The following PPFIBP1 variants were observed in gnomAD, a reference collection of about 807,000 sequenced individuals.
PPFIBP1 encodes the protein liprin-beta-1.
Under a neutral mutation model 137.8 loss-of-function variants are expected in PPFIBP1, and 112 were observed. The ratio of observed to expected loss-of-function variants is 0.81; its 90% confidence interval spans 0.70 to 0.95. PPFIBP1 has a LOEUF of 0.95. Ranked by LOEUF, PPFIBP1 falls within the 40% of genes least tolerant of loss-of-function variation. PPFIBP1 has a pLI of 0.00. For missense variants in PPFIBP1, 1,083 were observed against 1,196.6 expected (o/e 0.91, Z 1.40); for synonymous variants, 378 against 417.3 (o/e 0.91, Z 1.15).
rs769043734 is a variant in PPFIBP1 at position 27,633,416 on chromosome 12, A to G, written c.20A>G (p.Asp7Gly). MMSDAS[D>G]MLAAALEQMD... ...AATAAAATGATGAGTGATGCAAGTG[A>G]CATGTTGGCTGCAGCGTTGGAGCAG... Residue 7 changes from aspartate to glycine, a missense_variant, in exon 3 of 30, where the codon GAC becomes GGC. Asp to Gly is a moderately conservative substitution (Grantham distance 94, BLOSUM62 -1). Coordinates refer to ENST00000228425, the MANE Select transcript of PPFIBP1 (RefSeq NM_003622.4). The G allele has an allele frequency of 6.2e-6, 10 of 1,613,546 alleles. No homozygotes were observed. The East Asian group carries it at 2.2e-4, about 36-fold the overall frequency.
At chr12:27,612,438 A>G (rs1475568512) in intron 2 of PPFIBP1, among the ~76,000 whole-genome samples, 1 of 149,506 alleles carries the variant, frequency 6.7e-6, no homozygotes. Context: ...GACTCAAGTG[A>G]TCCTCCAAGT....
chr12:27,606,423 T>A (rs565350478), intron 2 of PPFIBP1, among the ~76,000 whole-genome samples: 11 of 152,370 alleles, frequency 7.2e-5, no homozygotes, highest in African/African-American at 2.4e-4. Context: ...TTTTTAGCTC[T>A]ACGACTGTGT....
At chr12:27,652,074 A>G (rs761989702) in intron 7 of PPFIBP1, among the ~76,000 whole-genome samples, 98 of 152,232 alleles carry the variant, frequency 6.4e-4, no homozygotes, top group Non-Finnish European at 1.0e-3. Flanking sequence ...AATAATTAAA[A>G]TAATCTTCAA....
chr12:27,690,600 A>G (rs113383841), intron 27 of PPFIBP1, among the ~76,000 whole-genome samples: 3 of 152,372 alleles, frequency 2.0e-5, no homozygotes, highest in Admixed American at 6.5e-5. Context: ...ACAACAGAGC[A>G]AGATTCTGCC....
chr12:27,568,511 G>T (rs2049876192), intron 1 of PPFIBP1, among the ~76,000 whole-genome samples: 1 of 152,194 alleles, frequency 6.6e-6, no homozygotes, highest in Non-Finnish European at 1.5e-5. Context: ...AAGGATGAGG[G>T]ATGGAAGTGG....
At chr12:27,580,955 G>C (rs1379137592) in intron 2 of PPFIBP1, among the ~76,000 whole-genome samples, 15 of 151,524 alleles carry the variant, frequency 9.9e-5, no homozygotes, top group Non-Finnish European at 2.2e-4. Flanking sequence ...TTGTTGCCCA[G>C]GCTGGAGTAC....
chr12:27,578,011 G>C (rs1452210943), intron 1 of PPFIBP1, 141 bp from the exon 2 acceptor site: 2 of 152,038 alleles, frequency 1.3e-5, no homozygotes, highest in Non-Finnish European at 2.9e-5. Context: ...ATGGAAGGAA[G>C]TCCTTAACAC....
chr12:27,563,463 A>C lies in PPFIBP1; in HGVS notation c.-123-14689A>C, dbSNP rs1423760974. Among the ~76,000 whole-genome samples the C allele has an allele frequency of 2.2e-3, 257 of 117,024 alleles. 1 individual carries two copies. Among genetic ancestry groups the C allele is most frequent in the African/African-American group, 7.1e-3 (248 of 34,912 alleles). The allele number at this position is 117,024 out of a possible 152,430, so 76.8% of individuals were successfully genotyped here. On this transcript the variant is annotated intron_variant, in intron 1 of 29. Coordinates refer to ENST00000228425, the MANE Select transcript of PPFIBP1 (RefSeq NM_003622.4). Reference sequence around the variant, plus strand: ...CAGAGCGAGACTCCATCTCAAAGAAAAAAAAAAAAAAAAAGCAGACAACTC... The same window carrying C: ...CAGAGCGAGACTCCATCTCAAAGAACAAAAAAAAAAAAAAGCAGACAACTC...
intron 1 of PPFIBP1, among the ~76,000 whole-genome samples, chr12:27,529,829 GT>G (rs1270054552): frequency 2.6e-5 from 4 of 152,248 alleles, no homozygotes; most frequent in Non-Finnish European, 4.4e-5. Context: ...ATTGGGAAGA[GT>G]GTGGACTCTT....
intron 2 of PPFIBP1, among the ~76,000 whole-genome samples, chr12:27,594,480 AT>A (rs1396499216): frequency 1.3e-5 from 2 of 151,962 alleles, no homozygotes; most frequent in East Asian, 3.9e-4. Context: ...GCCCAGCCCC[AT>A]TCCCTTTTCT....
At chr12:27,634,261 C>G (rs536321427) in intron 3 of PPFIBP1, among the ~76,000 whole-genome samples, 1 of 149,594 alleles carries the variant, frequency 6.7e-6, no homozygotes, top group Non-Finnish European at 1.5e-5. Flanking sequence ...CCTTGAAATG[C>G]TGTGCTCAAG....
chr12:27,648,727 G>T (rs1409440037), intron 6 of PPFIBP1, among the ~76,000 whole-genome samples: 1 of 152,206 alleles, frequency 6.6e-6, no homozygotes, highest in East Asian at 1.9e-4. Context: ...AGGTCATTAT[G>T]TGTGAAATAA....
intron 2 of PPFIBP1, among the ~76,000 whole-genome samples, chr12:27,633,001 G>A (rs1453259843): frequency 6.6e-6 from 1 of 152,136 alleles, no homozygotes; most frequent in Non-Finnish European, 1.5e-5. Context: ...ATTGGGTGGG[G>A]CTGGTAAAGG....
In PPFIBP1 at chr12:27,672,429, A is replaced by T; in HGVS notation, c.1265A>T (p.Asp422Val). The part of the protein sequence containing the change: ...PKPETSFEEN[D>V]GNIILGATVD... ...ACCTTTTGTTCTTTACATTTTAGTG[A>T]TGGAAACATAATCCTTGGTGCCACT... Residue 422 changes from aspartate to valine, a missense_variant and splice_region_variant, in exon 15 of 30, where the codon GAT becomes GTT. Physicochemically the swap from Asp to Val is radical, Grantham distance 152. Transcript: ENST00000228425. The T allele has an allele frequency of 6.2e-7, 1 of 1,605,338 alleles. No individual in the cohort carries two copies. The highest frequency in any genetic ancestry group is 8.5e-7 in the Non-Finnish European group (1 of 1,172,734).
chr12:27,560,488 A>G (rs1218859970), intron 1 of PPFIBP1, among the ~76,000 whole-genome samples: 2 of 152,220 alleles, frequency 1.3e-5, no homozygotes, highest in Non-Finnish European at 2.9e-5. Context: ...TGAACACATG[A>G]TTTGCATCCA....
chr12:27,669,842 T>C (rs1202273224), intron 13 of PPFIBP1, among the ~76,000 whole-genome samples: 1 of 152,234 alleles, frequency 6.6e-6, no homozygotes, highest in Non-Finnish European at 1.5e-5. Context: ...ATGTATTGCT[T>C]ACTTAAGTAA....
rs2059108053 is a variant in PPFIBP1 at position 27,655,017 on chromosome 12, A to G, written c.696+203A>G. The G allele has an allele frequency of 2.8e-6, 3 of 1,068,694 alleles. No individual in the cohort carries two copies. In the Admixed American group the frequency reaches 7.7e-5, roughly 27 times the overall value. The allele number at this position is 1,068,694 out of a possible 1,614,324, so 66.2% of individuals were successfully genotyped here. On this transcript the variant is annotated intron_variant, in intron 8 of 29. Coordinates refer to ENST00000228425, the MANE Select transcript of PPFIBP1 (RefSeq NM_003622.4). ...AAAAACAAGGCTTAACTCATCCGAC[A>G]GAACATAACCTGCCCTTTCTCTGAG...
intron 2 of PPFIBP1, among the ~76,000 whole-genome samples, chr12:27,598,088 A>G (rs2053531313): frequency 2.0e-5 from 3 of 152,202 alleles, no homozygotes; most frequent in Non-Finnish European, 4.4e-5. Context: ...TACAGGCATG[A>G]GCCACTATGC....
At chr12:27,609,633 C>G (rs1273668813) in intron 2 of PPFIBP1, among the ~76,000 whole-genome samples, 2 of 152,140 alleles carry the variant, frequency 1.3e-5, no homozygotes, top group African/African-American at 4.8e-5. Flanking sequence ...ACTTAAGACC[C>G]TTCAATGGCA....
Sources: allele counts gnomAD v4.1 joint callset (sites outside exome capture counted in the v4.1 genomes callset), GRCh38; gene constraint gnomAD v4.1.1; transcripts MANE v1.5; gene names NCBI Gene and HGNC (gene_info 2026-07-23, HGNC 2026-07-21).